Variants in KCNMA1 observed in about 807,000 individuals in gnomAD.
KCNMA1 encodes the protein potassium calcium-activated channel subfamily M alpha 1.
A neutral mutation model predicts 140.0 loss-of-function variants in KCNMA1; 29 were observed. The observed-to-expected ratio is 0.21, with a 90% confidence interval of 0.15 to 0.28. KCNMA1 has a LOEUF of 0.28. KCNMA1 is among the 10% of genes least tolerant of loss of function. The pLI is 1.00. For synonymous variants in KCNMA1, 612 were observed against 611.9 expected (o/e 1.00, Z 0.00); for missense variants, 880 against 1,602.2 (o/e 0.55, Z 7.70).
At chr10:77,027,545 G>A (rs963103672) in intron 16 of KCNMA1, among the ~76,000 whole-genome samples, 2 of 152,142 alleles carry the variant, frequency 1.3e-5, no homozygotes, top group South Asian at 2.1e-4. Flanking sequence ...AGTCCAGGTC[G>A]GCATGATCAG....
intron 1 of KCNMA1, among the ~76,000 whole-genome samples, chr10:77,416,801 T>C (rs2096752033): frequency 6.6e-6 from 1 of 152,214 alleles, no homozygotes; most frequent in South Asian, 2.1e-4. Context: ...ACGGTGAGCA[T>C]TTCACAGTGC....
At chr10:77,483,742 G>A (rs936599650) in intron 1 of KCNMA1, among the ~76,000 whole-genome samples, 1 of 152,204 alleles carries the variant, frequency 6.6e-6, no homozygotes, top group Non-Finnish European at 1.5e-5. Context: ...GTGAAAAGAT[G>A]AGCAAGGATT....
At chr10:77,488,453 G>A (rs2098487332) in intron 1 of KCNMA1, among the ~76,000 whole-genome samples, 1 of 152,154 alleles carries the variant, frequency 6.6e-6, no homozygotes, top group Non-Finnish European at 1.5e-5. Context: ...TGTCTGGGCT[G>A]GTAAGGAAGC....
downstream of KCNMA1, among the ~76,000 whole-genome samples, chr10:76,883,486 T>C (rs1285824435): frequency 1.3e-5 from 2 of 152,110 alleles, no homozygotes; most frequent in African/African-American, 4.8e-5. Flanking sequence ...GTAGCAGACT[T>C]TAGGGACACT....
At chr10:76,930,629 C>T (rs564523924) in intron 23 of KCNMA1, among the ~76,000 whole-genome samples, 13 of 152,110 alleles carry the variant, frequency 8.5e-5, no homozygotes, top group Admixed American at 2.0e-4. Context: ...GGGTATATAT[C>T]CAACAGAAAT....
In KCNMA1 at chr10:76,970,014, C is replaced by T; in HGVS notation, c.2320G>A (p.Gly774Ser). ...LSPKKKQRNGGMRNSPNTSPK... is the reference protein window; with the variant it reads ...LSPKKKQRNGSMRNSPNTSPK... ...GAGGTGTTGGGTGAGTTCCGCATGC[C>T]TCCATTCCGTTGCTTTTTTTTTGGT... is the stretch of plus-strand genomic sequence containing the variant. The change falls in exon 20 of 28, where the codon GGC becomes AGC. Residue 774 changes from glycine to serine, a missense_variant. Around this residue, in one of 13 missense-constraint regions of KCNMA1, gnomAD observed 196 missense variants for 233.0 expected, o/e 0.84. Coordinates refer to ENST00000286628, the MANE Select transcript of KCNMA1 (RefSeq NM_001161352.2). The T allele has an allele frequency of 6.2e-7, 1 of 1,614,044 alleles. No individual in the cohort carries two copies. The highest frequency in any genetic ancestry group is 8.5e-7 in the Non-Finnish European group (1 of 1,179,970).
At chr10:77,485,421 C>G (rs539751851) in intron 1 of KCNMA1, among the ~76,000 whole-genome samples, 1 of 152,194 alleles carries the variant, frequency 6.6e-6, no homozygotes, top group Non-Finnish European at 1.5e-5. Flanking sequence ...GCAACCACCC[C>G]CTGCCCCTGC....
chr10:77,080,931 G>T (rs2096549139), intron 12 of KCNMA1, among the ~76,000 whole-genome samples: 1 of 152,162 alleles, frequency 6.6e-6, no homozygotes, highest in South Asian at 2.1e-4. Flanking sequence ...TGAGATCAAG[G>T]ACTCAGCCTT....
chr10:77,183,914 A>G (rs1176271885), intron 4 of KCNMA1, among the ~76,000 whole-genome samples: 1 of 152,212 alleles, frequency 6.6e-6, no homozygotes, highest in African/African-American at 2.4e-5. Flanking sequence ...ATATAGACTA[A>G]CTATATGCTA....
chr10:77,197,709 T>G (rs922801396), intron 3 of KCNMA1, among the ~76,000 whole-genome samples: 3 of 152,050 alleles, frequency 2.0e-5, no homozygotes, highest in Non-Finnish European at 4.4e-5. Context: ...AAGAATCTGG[T>G]TAACCTGGAG....
chr10:77,198,384 T>TC (rs2041317290), intron 3 of KCNMA1, among the ~76,000 whole-genome samples: 1 of 152,028 alleles, frequency 6.6e-6, no homozygotes, highest in Non-Finnish European at 1.5e-5. Flanking sequence ...GAAAGCCATT[T>TC]ATAACCCTGA....
chr10:77,395,059 C>T (rs1229243222), intron 2 of KCNMA1, among the ~76,000 whole-genome samples: 1 of 152,054 alleles, frequency 6.6e-6, no homozygotes, highest in Non-Finnish European at 1.5e-5. Flanking sequence ...AAAAAATAAC[C>T]ATTTAGGCCA....
At chr10:76,873,275 C>A (rs2031729799), downstream of KCNMA1, 1 of 152,190 alleles carries the variant, frequency 6.6e-6, no homozygotes, top group Admixed American at 6.5e-5. Flanking sequence ...AACAAACAAT[C>A]AGAAGAGACT....
intron 1 of KCNMA1, among the ~76,000 whole-genome samples, chr10:77,438,867 A>G (rs1457412791): frequency 6.6e-6 from 1 of 152,196 alleles, no homozygotes; most frequent in Admixed American, 6.5e-5. Context: ...ACCTGAGGTC[A>G]GGAGTTCAAG....
At position 77,346,945 on chromosome 10, in the gene KCNMA1, A is replaced by G. The variant is rs188347625; in HGVS notation, c.540+56917T>C. On this transcript the variant is annotated intron_variant, in intron 2 of 27. Transcript: ENST00000286628. ...GACCAAGAAACATGGCCAAGCACAG[A>G]GTCTGCAAGCAGCCTGCATGTGGGT... Among the ~76,000 whole-genome samples the G allele has an allele frequency of 1.2e-4, 19 of 152,346 alleles. No homozygotes were observed. The East Asian group carries it at 3.3e-3, about 26-fold the overall frequency.
At chr10:77,523,412 A>C (rs1248568) in intron 1 of KCNMA1, among the ~76,000 whole-genome samples, 92,132 of 152,056 alleles carry the variant, frequency 0.61, 28,803 homozygotes, top group East Asian at 0.8. Context: ...TGGAGGTATA[A>C]AAACACACAG....
At chr10:77,427,616 G>T (rs890892368) in intron 1 of KCNMA1, among the ~76,000 whole-genome samples, 1 of 152,160 alleles carries the variant, frequency 6.6e-6, no homozygotes, top group South Asian at 2.1e-4. Flanking sequence ...AGAAATAGCA[G>T]TACTTCCTAG....
intron 2 of KCNMA1, among the ~76,000 whole-genome samples, chr10:77,334,671 G>C (rs112048509): frequency 9.2e-5 from 14 of 152,252 alleles, no homozygotes; most frequent in African/African-American, 3.1e-4. Context: ...TGCAAGCGTT[G>C]AGACATATTT....
intron 22 of KCNMA1, among the ~76,000 whole-genome samples, chr10:76,946,447 T>C (rs1049215861): frequency 2.0e-5 from 3 of 152,200 alleles, no homozygotes; most frequent in Non-Finnish European, 4.4e-5. Flanking sequence ...GAACTGGCTT[T>C]GGAAAGAGAC....
Sources: gnomAD v4.1 joint callset for allele counts (sites outside exome capture counted in the v4.1 genomes callset) on GRCh38, gnomAD v4.1.1 for gene constraint, gnomAD v4.1.1 regional missense constraint, MANE v1.5 for transcripts, NCBI Gene and HGNC (gene_info 2026-07-23, HGNC 2026-07-21) for gene names.